The following TRNT1 variants were observed in gnomAD, a reference collection of about 807,000 sequenced individuals.
The protein encoded by TRNT1 is tRNA nucleotidyl transferase 1, also known as CCA tRNA nucleotidyltransferase 1, mitochondrial.
TRNT1 carries 44 observed loss-of-function variants against 45.6 expected under a neutral mutation model. The ratio of observed to expected loss-of-function variants is 0.97; its 90% CI spans 0.76 to 1.24. The LOEUF is 1.24. TRNT1 is among the 50% of genes most tolerant of loss of function. TRNT1 has a pLI of 0.00. For synonymous variants in TRNT1, 201 were observed against 171.4 expected (o/e 1.17, Z -1.35); for missense variants, 633 against 504.4 (o/e 1.25, Z -2.44).
At chr3:3,131,211 T>A (rs1301880069) in intron 2 of TRNT1, 2 of 152,202 alleles carry the variant, frequency 1.3e-5, no homozygotes, top group East Asian at 3.9e-4. Flanking sequence ...AAGTGGCTGC[T>A]GTTTGAATAG....
downstream of TRNT1, chr3:3,152,426 A>G (rs755006433): frequency 6.2e-7 from 1 of 1,602,144 alleles, no homozygotes; most frequent in South Asian, 1.1e-5. Context: ...AAAAAAAGAA[A>G]AAAAAAAGCA....
At position 3,140,801 on chromosome 3, in the gene TRNT1, A is replaced by G. The variant is rs184579; in HGVS notation, c.481+153A>G. 0.98 allele frequency: 971,168 copies of G among 990,756 alleles called. 478,268 individuals are homozygous for G. Among genetic ancestry groups the G allele is most frequent in the East Asian group, 1 (35,982 of 35,982 alleles). The allele number at this position is 990,756 out of a possible 1,614,324, so 61.4% of individuals were successfully genotyped here. A position where few individuals can be genotyped will look rare whatever the true frequency, so the allele number is the denominator to read the frequency against. ...AGATTGCTTCAAAGAATAGTCCCTC[A>G]GCCGGGCACGGTGGGTCACGCCTGT... On this transcript the variant is annotated intron_variant, in intron 4 of 7. Coordinates refer to ENST00000251607, the MANE Select transcript of TRNT1 (RefSeq NM_182916.3).
Position 3,138,998 on chromosome 3 carries a change from A to C in TRNT1, c.343-1512A>C, listed in dbSNP as rs113190388. ...TTTCATTAGGAGAAATCAGAGAAGA[A>C]TACTCCAGTATTATGCCAGGGAATG... On this transcript the variant is annotated intron_variant, in intron 3 of 7. Coordinates refer to ENST00000251607, the MANE Select transcript of TRNT1 (RefSeq NM_182916.3). Among the ~76,000 whole-genome samples, 260 of 152,320 alleles carry C rather than the reference A, an allele frequency of 1.7e-3. 2 individuals carry two copies. Among genetic ancestry groups the C allele is most frequent in the African/African-American group, 5.1e-3 (212 of 41,570 alleles).
intron 2 of TRNT1, among the ~76,000 whole-genome samples, chr3:3,130,883 AC>A (rs1203689403): frequency 2.0e-5 from 3 of 151,866 alleles, no homozygotes; most frequent in Admixed American, 2.0e-4. Flanking sequence ...GGAGTTTGAG[AC>A]CAGCCTGGGC....
At chr3:3,145,780 C>G (rs751050449) in intron 5 of TRNT1, among the ~76,000 whole-genome samples, 2 of 151,998 alleles carry the variant, frequency 1.3e-5, no homozygotes. Context: ...TAGATTAAGA[C>G]TTAGCTGTAT....
intron 2 of TRNT1, among the ~76,000 whole-genome samples, chr3:3,132,539 G>A (rs1324149079): frequency 1.4e-5 from 1 of 69,792 alleles, no homozygotes; most frequent in Non-Finnish European, 2.8e-5. Context: ...TGGTGGGGTC[G>A]GGGGAGGGGG....
Position 3,148,282 on chromosome 3 carries a change from G to T in TRNT1, c.*128G>T. The T allele has an allele frequency of 1.1e-6, 1 of 939,516 alleles. No individual in the cohort carries two copies. The allele number at this position is 939,516 out of a possible 1,614,324, so 58.2% of individuals were successfully genotyped here. On this transcript the variant is annotated 3_prime_UTR_variant, in exon 8 of 8. Coordinates refer to ENST00000251607, the MANE Select transcript of TRNT1 (RefSeq NM_182916.3). ...AGGGGACCTCTGTAGAACAACAAGG[G>T]TCTTATTTTGTGAATTATATATTTC...
downstream of TRNT1, chr3:3,153,411 A>G (rs376902894): frequency 2.8e-6 from 4 of 1,415,064 alleles, no homozygotes; most frequent in Non-Finnish European, 4.0e-6. Flanking sequence ...TAAAAACGTA[A>G]TAAAGACCTT....
chr3:3,135,621 C>G (rs1485186603), intron 2 of TRNT1, among the ~76,000 whole-genome samples: 4 of 152,028 alleles, frequency 2.6e-5, no homozygotes, highest in Admixed American at 2.6e-4. Context: ...TTTAAGGAGT[C>G]TACAGAGAAT....
At chr3:3,152,425 A>AC (rs1478257580), downstream of TRNT1, 1 of 1,599,416 alleles carries the variant, frequency 6.3e-7, no homozygotes, top group Non-Finnish European at 8.5e-7. Flanking sequence ...TAAAAAAAGA[A>AC]AAAAAAAAGC....
intron 2 of TRNT1, 122 bp downstream of exon 2, chr3:3,129,310 C>T (rs1290517612): frequency 1.0e-5 from 10 of 965,586 alleles, no homozygotes; most frequent in East Asian, 8.0e-5. Context: ...TATTAAAAAA[C>T]GTAAGTAGAG....
In TRNT1 at chr3:3,126,986, G is replaced by GCC. The variant is rs1704615946; in HGVS notation, c.-32_-31insCC. 6.5e-6 allele frequency: 1 copy of GCC among 152,972 alleles called. No homozygotes were observed. Among genetic ancestry groups the GCC allele is most frequent in the Admixed American group, 6.5e-5 (1 of 15,298 alleles). 9.5% of individuals were successfully genotyped at this position (152,972 alleles called of 1,614,324 possible). ...GCGGTGGCGGCTGCGGCAACAGCGG[G>GCC]GCCGGTAAGCGGGCGCGCGCCGCTC... On this transcript the variant is annotated 5_prime_UTR_variant, in exon 1 of 8. Coordinates refer to ENST00000251607, the MANE Select transcript of TRNT1 (RefSeq NM_182916.3).
At chr3:3,133,578 A>T in intron 2 of TRNT1, among the ~76,000 whole-genome samples, 1 of 150,822 alleles carries the variant, frequency 6.6e-6, no homozygotes, top group Non-Finnish European at 1.5e-5. Flanking sequence ...ATGAGAGACT[A>T]TTTTTCTGTC....
intron 6 of TRNT1, among the ~76,000 whole-genome samples, 184 bp downstream of exon 6, chr3:3,146,807 G>A (rs1457285164): frequency 6.6e-6 from 1 of 152,138 alleles, no homozygotes; most frequent in Non-Finnish European, 1.5e-5. Flanking sequence ...CTCAAAGACA[G>A]CTTGTGGTGC....
chr3:3,152,012 A>G (rs1706592994), downstream of TRNT1, among the ~76,000 whole-genome samples: 2 of 152,330 alleles, frequency 1.3e-5, no homozygotes, highest in African/African-American at 4.8e-5. Flanking sequence ...GAAAAAAACA[A>G]TTTTGGATTT....
At chr3:3,133,173 T>C (rs941340901) in intron 2 of TRNT1, among the ~76,000 whole-genome samples, 2 of 152,320 alleles carry the variant, frequency 1.3e-5, no homozygotes, top group African/African-American at 4.8e-5. Context: ...TAGTGTATTA[T>C]TGTCATATCA....
At chr3:3,137,481 C>G (rs1705399800) in intron 3 of TRNT1, 28 bp downstream of exon 3, 2 of 1,536,952 alleles carry the variant, frequency 1.3e-6, no homozygotes, top group Non-Finnish European at 1.8e-6. Flanking sequence ...CAGGTAATTA[C>G]ATTGCTTTTT....
intron 2 of TRNT1, chr3:3,136,835 A>G (rs908435919): frequency 9.3e-5 from 31 of 332,362 alleles, no homozygotes; most frequent in African/African-American, 6.6e-4. Context: ...TATTTTTTGT[A>G]TAGATAGAGT....
At chr3:3,150,629 AGCTACCCAAGTAGAT>A (rs1706458807), downstream of TRNT1, 1 of 449,396 alleles carries the variant, frequency 2.2e-6, no homozygotes, top group South Asian at 2.2e-5. Flanking sequence ...AATGGCACCA[AGCTACCCAAGTAGAT>A]GTTTCTGGTA....
Sources: gnomAD v4.1 joint callset for allele counts (sites outside exome capture counted in the v4.1 genomes callset) on GRCh38, gnomAD v4.1.1 for gene constraint, MANE v1.5 for transcripts, NCBI Gene and HGNC (gene_info 2026-07-23, HGNC 2026-07-21) for gene names.